Variants in CRISPLD2 observed in about 807,000 individuals in gnomAD.
CRISPLD2 encodes the protein cysteine rich secretory protein LCCL domain containing 2, also known as cysteine-rich secretory protein LCCL domain-containing 2.
In CRISPLD2, 47 loss-of-function variants were observed where a neutral mutation model predicts 71.1. That is an observed-to-expected ratio of 0.66 (90% CI 0.52 to 0.84). CRISPLD2 has a LOEUF of 0.84. CRISPLD2 is among the 40% of genes least tolerant of loss of function. The pLI, the probability that CRISPLD2 is intolerant of heterozygous loss-of-function variation, is 0.00. For missense variants in CRISPLD2, 830 were observed against 651.1 expected (o/e 1.27, Z -2.99); for synonymous variants, 317 against 250.1 (o/e 1.27, Z -2.52).
At chr16:84,856,168 C>T (rs1034129836) in intron 6 of CRISPLD2, among the ~76,000 whole-genome samples, 2 of 152,210 alleles carry the variant, frequency 1.3e-5, no homozygotes, top group Non-Finnish European at 2.9e-5. Context: ...CCTAAAGGGT[C>T]TGGACCATTT....
chr16:84,837,528 C>A (rs1053488949), intron 1 of CRISPLD2, among the ~76,000 whole-genome samples: 1 of 151,978 alleles, frequency 6.6e-6, no homozygotes, highest in Non-Finnish European at 1.5e-5. Context: ...GCCATTCTCC[C>A]GCCTCAGCCT....
chr16:84,876,997 G>C (rs2071524629), intron 11 of CRISPLD2, among the ~76,000 whole-genome samples: 1 of 152,176 alleles, frequency 6.6e-6, no homozygotes, highest in Non-Finnish European at 1.5e-5. Context: ...TGGTATGTCA[G>C]AAGGAGCTCT....
At chr16:84,841,642 C>T (rs544375183) in intron 2 of CRISPLD2, among the ~76,000 whole-genome samples, 15 of 152,112 alleles carry the variant, frequency 9.9e-5, no homozygotes, top group Non-Finnish European at 2.1e-4. Context: ...GTCCCCCAGG[C>T]TGGAGTGCAG....
At chr16:84,839,542 A>G (rs1916716905) in intron 2 of CRISPLD2, 1 of 153,612 alleles carries the variant, frequency 6.5e-6, no homozygotes, top group African/African-American at 2.4e-5. Flanking sequence ...TAACCGGGAA[A>G]GGAGCTAACG....
intron 11 of CRISPLD2, among the ~76,000 whole-genome samples, chr16:84,875,243 A>G (rs932806653): frequency 1.4e-5 from 2 of 140,616 alleles, no homozygotes; most frequent in Admixed American, 1.4e-4. Flanking sequence ...CCTGTCTCAA[A>G]AAAATATATA....
chr16:84,844,749 A>C (rs551216123), intron 2 of CRISPLD2, among the ~76,000 whole-genome samples: 3 of 152,136 alleles, frequency 2.0e-5, no homozygotes, highest in Admixed American at 6.5e-5. Flanking sequence ...GCGGGTGGCC[A>C]GTGAGAGTCT....
At chr16:84,875,688 C>G (rs2071512508) in intron 11 of CRISPLD2, among the ~76,000 whole-genome samples, 1 of 150,552 alleles carries the variant, frequency 6.6e-6, no homozygotes, top group Non-Finnish European at 1.5e-5. Context: ...TCCTGAGTAG[C>G]TGGGATTACA....
intron 13 of CRISPLD2, among the ~76,000 whole-genome samples, chr16:84,886,466 C>G (rs566956914): frequency 6.6e-6 from 1 of 152,112 alleles, no homozygotes; most frequent in Admixed American, 6.5e-5. Context: ...GCACTGATTA[C>G]TTCTGCAATG....
chr16:84,868,896 G>A lies in CRISPLD2; in HGVS notation c.899G>A (p.Gly300Glu). The change falls in exon 8 of 15, where the codon GGG becomes GAG. Residue 300 changes from glycine to glutamate, a missense_variant. Transcript: ENST00000262424. ...CDTKMKDRCKGSTCNRYQCPA... is the reference protein window; with the variant it reads ...CDTKMKDRCKESTCNRYQCPA... Reference sequence around the variant, plus strand: ...ACCAAGATGAAGGACAGGTGCAAAGGGTCCACGTGTAACAGGTGAGCCTGT... The same window carrying A: ...ACCAAGATGAAGGACAGGTGCAAAGAGTCCACGTGTAACAGGTGAGCCTGT... 1 of 1,607,670 alleles carries A rather than the reference G, an allele frequency of 6.2e-7. No individual in the cohort carries two copies. Among genetic ancestry groups the A allele is most frequent in the South Asian group, 1.1e-5 (1 of 89,682 alleles).
chr16:84,857,271 A>G (rs754011831), intron 6 of CRISPLD2, among the ~76,000 whole-genome samples: 4 of 152,340 alleles, frequency 2.6e-5, no homozygotes, highest in East Asian at 3.9e-4. Context: ...GACTGAGGAA[A>G]GAGATTGAGT....
chr16:84,854,847 A>G lies in CRISPLD2; in HGVS notation c.709+18A>G, dbSNP rs752933535. On this transcript the variant is annotated intron_variant, in intron 6 of 14. Transcript: ENST00000262424. ...TTACCGAGGTAGGAAATTTACTCCC[A>G]ACACTTTTGCAATGAATTTGCCCTC... is the stretch of plus-strand genomic sequence containing the variant. The G allele has an allele frequency of 1.3e-6, 2 of 1,587,978 alleles. No homozygotes were observed. Among genetic ancestry groups the G allele is most frequent in the Non-Finnish European group, 1.7e-6 (2 of 1,156,338 alleles).
At chr16:84,837,785 G>C (rs1916661630) in intron 1 of CRISPLD2, among the ~76,000 whole-genome samples, 1 of 151,976 alleles carries the variant, frequency 6.6e-6, no homozygotes, top group African/African-American at 2.4e-5. Context: ...CATGGTGATT[G>C]AGAATAACAT....
chr16:84,893,243 A>C (rs2071678481), intron 14 of CRISPLD2, among the ~76,000 whole-genome samples: 1 of 152,124 alleles, frequency 6.6e-6, no homozygotes, highest in African/African-American at 2.4e-5. Flanking sequence ...CATGAGAATT[A>C]TGTGAGAGGT....
Position 84,909,470 on chromosome 16 carries a change from C to A in CRISPLD2, c.*2828C>A, listed in dbSNP as rs985243156. Reference sequence around the variant, plus strand: ...GTTCCTGTAACATATCTTTTATGAACAAATCTGAACAATTTGTGAAATAAA... The same window carrying A: ...GTTCCTGTAACATATCTTTTATGAAAAAATCTGAACAATTTGTGAAATAAA... On this transcript the variant is annotated 3_prime_UTR_variant, in exon 15 of 15. Coordinates refer to ENST00000262424, the MANE Select transcript of CRISPLD2 (RefSeq NM_031476.4). 1.3e-5 allele frequency: 2 copies of A among 152,584 alleles called. No homozygotes were observed. Among genetic ancestry groups the A allele is most frequent in the Non-Finnish European group, 2.9e-5 (2 of 68,024 alleles). 9.5% of individuals were successfully genotyped at this position (152,584 alleles called of 1,614,324 possible). A position where few individuals can be genotyped will look rare whatever the true frequency, so the allele number is the denominator to read the frequency against.
chr16:84,861,314 G>A (rs189684733), intron 6 of CRISPLD2, among the ~76,000 whole-genome samples: 5 of 152,210 alleles, frequency 3.3e-5, no homozygotes, highest in Non-Finnish European at 7.4e-5. Context: ...TAGAGCAACA[G>A]AACTAATAGG....
At chr16:84,849,240 TC>T in intron 3 of CRISPLD2, 144 bp from the exon 4 acceptor site, 2 of 805,656 alleles carry the variant, frequency 2.5e-6, no homozygotes, top group East Asian at 2.6e-5. Context: ...CCTCCCTCCC[TC>T]CCGGCTGCCC....
chr16:84,905,075 G>A lies in CRISPLD2; in HGVS notation c.1440-1513G>A, dbSNP rs895109321. On this transcript the variant is annotated intron_variant, in intron 14 of 14. Coordinates refer to ENST00000262424, the MANE Select transcript of CRISPLD2 (RefSeq NM_031476.4). ...GCAGGAGGATCACTTGGGCCCAGGA[G>A]TTTGAGACCAGCCTGGGCAACATAG... 5.3e-5 allele frequency among the ~76,000 whole-genome samples: 8 copies of A among 151,986 alleles called. No homozygotes were observed. The East Asian group carries it at 1.4e-3, about 26-fold the overall frequency.
chr16:84,823,936 G>C (rs1248156797), intron 1 of CRISPLD2, among the ~76,000 whole-genome samples: 1 of 152,160 alleles, frequency 6.6e-6, no homozygotes, highest in East Asian at 1.9e-4. Flanking sequence ...CATTTTGCTT[G>C]TAATCAAGTG....
Position 84,838,424 on chromosome 16 carries a change from C to T in CRISPLD2, c.-72C>T, listed in dbSNP as rs1489887826. The T allele has an allele frequency of 3.9e-6, 6 of 1,556,020 alleles. No individual in the cohort carries two copies. The highest frequency in any genetic ancestry group is 1.8e-5 in the Admixed American group (1 of 54,888). ...CACCACCCTCTGCTTCCTTTCAGAG[C>T]TCAAGCGCCCAGCTCTGCCCGAGGA... On this transcript the variant is annotated splice_region_variant and 5_prime_UTR_variant, in exon 2 of 15. Transcript: ENST00000262424.
Sources: allele counts gnomAD v4.1 joint callset (sites outside exome capture counted in the v4.1 genomes callset), GRCh38; gene constraint gnomAD v4.1.1; transcripts MANE v1.5; gene names NCBI Gene and HGNC (gene_info 2026-07-23, HGNC 2026-07-21).